Variants in DMTF1 observed in about 807,000 individuals in gnomAD.
DMTF1 encodes the protein cyclin D binding myb like transcription factor 1, also known as cyclin-D-binding Myb-like transcription factor 1.
A neutral mutation model predicts 91.1 loss-of-function variants in DMTF1; 39 were observed. The ratio of observed to expected loss-of-function variants is 0.43; its 90% CI spans 0.33 to 0.56. The LOEUF (loss-of-function observed/expected upper bound fraction) is 0.56, where lower values mean the gene tolerates loss of function less well. Among genes scored for constraint, DMTF1 ranks in the 20% least tolerant of loss-of-function variants. The pLI is 0.05. For missense variants in DMTF1, 750 were observed against 914.5 expected, an observed-to-expected ratio of 0.82 and a Z score of 2.32; for synonymous variants, 338 against 309.5, an observed-to-expected ratio of 1.09 and a Z score of -0.97.
intron 5 of DMTF1, 148 bp from the exon 6 acceptor site, chr7:87,173,387 C>CTA (rs1233065533): frequency 2.5e-5 from 10 of 398,178 alleles, no homozygotes; most frequent in East Asian, 2.5e-4. Context: ...TATATTTTTA[C>CTA]TATATCTAAA....
At position 87,188,117 on chromosome 7, in the gene DMTF1, A is replaced by C. The variant is rs763060658; in HGVS notation, c.1227A>C (p.Leu409Phe). The change falls in exon 13 of 18, where the codon TTA becomes TTC. Residue 409 changes from leucine (L) to phenylalanine (F), a missense_variant. Transcript: ENST00000331242. The stretch of plus-strand genomic sequence containing the variant: ...TCTTAATAAAAGGTCTTAAACAGTT[A>C]CATGAGAACCAAAAAAACAACCCAA... ...FPVLIKGLKQ[L>F]HENQKNNPTL... 1 of 1,613,834 alleles carries C rather than the reference A, an allele frequency of 6.2e-7. No individual in the cohort carries two copies.
At chr7:87,160,368 G>A (rs1002014984) in intron 1 of DMTF1, among the ~76,000 whole-genome samples, 22 of 151,046 alleles carry the variant, frequency 1.5e-4, no homozygotes, top group African/African-American at 5.4e-4. Context: ...TCCGCCTCCT[G>A]GGTTCAAGTG....
intron 1 of DMTF1, chr7:87,155,608 C>G (rs1272448190): frequency 1.3e-5 from 2 of 152,082 alleles, no homozygotes; most frequent in African/African-American, 2.4e-5. Context: ...CTCCGTTTAT[C>G]TTGATGGTGC....
intron 14 of DMTF1, chr7:87,192,481 G>A (rs1202135263): frequency 6.6e-6 from 1 of 152,000 alleles, no homozygotes; most frequent in Non-Finnish European, 1.5e-5. Context: ...CCTATATTTG[G>A]GGATTTAGTA....
intron 3 of DMTF1, 22 bp downstream of exon 3, chr7:87,165,072 T>G: frequency 3.3e-6 from 5 of 1,529,606 alleles, no homozygotes; most frequent in Non-Finnish European, 4.5e-6. Context: ...TGCTGACATA[T>G]AATTCTGACT....
chr7:87,187,913 T>A, intron 12 of DMTF1, 179 bp from the exon 13 acceptor site: 2 of 585,390 alleles, frequency 3.4e-6, no homozygotes, highest in Non-Finnish European at 6.1e-6. Flanking sequence ...TTACGATGTT[T>A]ATAAAAATCT....
rs541073594 is a variant in DMTF1, at chr7:87,158,644, G to A, written c.-131-4851G>A. 2.0e-5 allele frequency among the ~76,000 whole-genome samples: 3 copies of A among 152,006 alleles called. No individual in the cohort carries two copies. The East Asian group carries it at 5.8e-4, about 29-fold the overall frequency. The stretch of plus-strand genomic sequence containing the variant: ...GAAAGCATTAAATAACTGTTGAAAC[G>A]TACCACCTATCTAGTGATTTATCAA... On this transcript the variant is annotated intron_variant, in intron 1 of 17. Coordinates refer to ENST00000331242, the MANE Select transcript of DMTF1 (RefSeq NM_001142327.2).
At chr7:87,171,151 A>C in intron 5 of DMTF1, 62 bp downstream of exon 5, 1 of 1,141,956 alleles carries the variant, frequency 8.8e-7, no homozygotes, top group Non-Finnish European at 1.3e-6. Context: ...TTAGCTAATA[A>C]AATGATGAGA....
intron 14 of DMTF1, among the ~76,000 whole-genome samples, chr7:87,191,633 A>G (rs1799795262): frequency 6.6e-6 from 1 of 152,156 alleles, no homozygotes; most frequent in Non-Finnish European, 1.5e-5. Flanking sequence ...ATGGTACAAC[A>G]TTGATGAACC....
intron 3 of DMTF1, 37 bp from the exon 4 acceptor site, chr7:87,166,446 G>T (rs748181310): frequency 1.3e-6 from 2 of 1,583,560 alleles, no homozygotes. Flanking sequence ...TTCCCTCTTT[G>T]GTTTGAAATT....
intron 1 of DMTF1, among the ~76,000 whole-genome samples, chr7:87,160,424 G>A (rs908552403): frequency 6.6e-6 from 1 of 151,898 alleles, no homozygotes; most frequent in Non-Finnish European, 1.5e-5. Flanking sequence ...ACAGGCGCCT[G>A]CCACCACACC....
At chr7:87,181,612 G>T (rs1314328075) in intron 9 of DMTF1, among the ~76,000 whole-genome samples, 4 of 152,086 alleles carry the variant, frequency 2.6e-5, no homozygotes, top group Non-Finnish European at 5.9e-5. Context: ...GGCCATTTTT[G>T]GTAGCCTGAA....
chr7:87,181,108 C>T, intron 8 of DMTF1: 1 of 292,522 alleles, frequency 3.4e-6, no homozygotes. Context: ...CCTTGGCCTC[C>T]CAAAGTGCTG....
At position 87,185,936 on chromosome 7, in the gene DMTF1, C is replaced by A. The variant is rs778376610; in HGVS notation, c.1157C>A (p.Thr386Asn). Residue 386 changes from threonine (T) to asparagine (N), a missense_variant, in exon 12 of 18, where the codon ACC becomes AAC. Transcript: ENST00000331242. ...SPQWLRSKWW[T>N]IKRQIANHKD... Reference sequence around the variant, plus strand: ...CAATGGCTACGAAGTAAATGGTGGACCATCAAAAGGCAAATTGCAAACCAT... The same window carrying A: ...CAATGGCTACGAAGTAAATGGTGGAACATCAAAAGGCAAATTGCAAACCAT... 1 of 1,613,874 alleles carries A rather than the reference C, an allele frequency of 6.2e-7. No individual in the cohort carries two copies. Among genetic ancestry groups the A allele is most frequent in the Non-Finnish European group, 8.5e-7 (1 of 1,179,842 alleles).
intron 4 of DMTF1, among the ~76,000 whole-genome samples, chr7:87,169,991 T>G (rs572373455): frequency 6.6e-6 from 1 of 152,360 alleles, no homozygotes; most frequent in East Asian, 1.9e-4. Flanking sequence ...TCTCTAAATA[T>G]TTAGCAGTTG....
At chr7:87,186,951 T>C (rs1215451126) in intron 12 of DMTF1, 2 of 152,204 alleles carry the variant, frequency 1.3e-5, no homozygotes, top group Non-Finnish European at 2.9e-5. Flanking sequence ...TCAAATATCT[T>C]AGCTAGGTGT....
At chr7:87,179,128 T>A (rs915608102) in intron 7 of DMTF1, among the ~76,000 whole-genome samples, 2 of 152,062 alleles carry the variant, frequency 1.3e-5, no homozygotes, top group African/African-American at 4.8e-5. Flanking sequence ...TTTTAAAATT[T>A]TGGCAGAACT....
At chr7:87,187,809 A>G (rs1798797057) in intron 12 of DMTF1, 2 of 414,240 alleles carry the variant, frequency 4.8e-6, no homozygotes, top group South Asian at 5.8e-5. Flanking sequence ...TAGAATAGAA[A>G]ATGTCCTGTT....
intron 1 of DMTF1, among the ~76,000 whole-genome samples, chr7:87,160,364 T>G (rs1051896736): frequency 6.6e-6 from 1 of 150,790 alleles, no homozygotes; most frequent in Non-Finnish European, 1.5e-5. Context: ...AACTTCCGCC[T>G]CCTGGGTTCA....
Sources: allele counts gnomAD v4.1 joint callset (sites outside exome capture counted in the v4.1 genomes callset), GRCh38; gene constraint gnomAD v4.1.1; transcripts MANE v1.5; gene names NCBI Gene and HGNC (gene_info 2026-07-23, HGNC 2026-07-21).